The following DSCAM variants were observed in gnomAD, a reference collection of about 807,000 sequenced individuals.
DSCAM encodes the protein DS cell adhesion molecule.
DSCAM carries 47 observed loss-of-function variants against 217.7 expected under a neutral mutation model. The observed-to-expected ratio is 0.22, with a 90% CI of 0.17 to 0.28. The LOEUF is 0.28. Ranked by LOEUF, DSCAM falls within the 10% of genes least tolerant of loss-of-function variation. DSCAM has a pLI of 1.00. For missense variants in DSCAM, 2,080 were observed against 2,618.3 expected (o/e 0.79, Z 4.49); for synonymous variants, 1,056 against 1,015.3 (o/e 1.04, Z -0.76).
At chr21:40,259,178 C>T (rs1438125978) in intron 11 of DSCAM, among the ~76,000 whole-genome samples, 1 of 152,062 alleles carries the variant, frequency 6.6e-6, no homozygotes, top group Non-Finnish European at 1.5e-5. Context: ...AATATGCCTA[C>T]TAGGAAAAAG....
At chr21:40,135,366 C>T (rs2090196535) in intron 18 of DSCAM, among the ~76,000 whole-genome samples, 1 of 152,256 alleles carries the variant, frequency 6.6e-6, no homozygotes, top group East Asian at 1.9e-4. Context: ...CTATGCTATT[C>T]TAAGTACAGA....
At chr21:40,396,426 C>T (rs1021634240) in intron 3 of DSCAM, among the ~76,000 whole-genome samples, 2 of 152,132 alleles carry the variant, frequency 1.3e-5, no homozygotes, top group African/African-American at 2.4e-5. Context: ...TTTCCCAACA[C>T]AAGGAGGCTG....
In DSCAM at chr21:40,391,777, TC is replaced by T. The variant is rs1172865405; in HGVS notation, c.509-22533del. Among the ~76,000 whole-genome samples the T allele has an allele frequency of 2.6e-5, 4 of 152,240 alleles. No homozygotes were observed. The East Asian group carries it at 7.7e-4, about 29-fold the overall frequency. The stretch of plus-strand genomic sequence containing the variant: ...CCACATTGCTGTTATCGGAAATTTC[TC>T]GTTGCAAAAATTAGAAGATTGCTAA... On this transcript the variant is annotated intron_variant, in intron 3 of 32. Coordinates refer to ENST00000400454, the MANE Select transcript of DSCAM (RefSeq NM_001389.5).
rs537087964 is a variant in DSCAM, at chr21:40,276,349, A to C, written c.2183-79T>G. On this transcript the variant is annotated intron_variant, in intron 10 of 32. Coordinates refer to ENST00000400454, the MANE Select transcript of DSCAM (RefSeq NM_001389.5). The stretch of plus-strand genomic sequence containing the variant: ...AGACAACGAGTTCAAGTACACACAG[A>C]CTCATAAAGAGATGCTTCACACTGA... 27 of 1,335,240 alleles carry C rather than the reference A, an allele frequency of 2.0e-5. No homozygotes were observed. The South Asian group carries it at 4.1e-4, about 20-fold the overall frequency. The allele number at this position is 1,335,240 out of a possible 1,614,324, so 82.7% of individuals were successfully genotyped here.
At chr21:40,121,226 G>T (rs1374379760) in intron 20 of DSCAM, among the ~76,000 whole-genome samples, 1 of 152,002 alleles carries the variant, frequency 6.6e-6, no homozygotes, top group Non-Finnish European at 1.5e-5. Context: ...TGCAGAAACT[G>T]ATGAAAACAA....
At position 40,280,990 on chromosome 21, in the gene DSCAM, C is replaced by G. The variant is rs558537497; in HGVS notation, c.2183-4720G>C. On this transcript the variant is annotated intron_variant, in intron 10 of 32. Transcript: ENST00000400454. ...ACAGGAGTGAGCTTGGGAGAAGACCCTCCCACAGCTAAGCTTTGAAATGAC... is the reference window on the plus strand; with the variant it reads ...ACAGGAGTGAGCTTGGGAGAAGACCGTCCCACAGCTAAGCTTTGAAATGAC... Among the ~76,000 whole-genome samples, 8 of 152,288 alleles carry G rather than the reference C, an allele frequency of 5.3e-5. No homozygotes were observed. In the East Asian group the frequency reaches 1.4e-3, roughly 26 times the overall value.
At chr21:40,822,615 A>G (rs1160365026) in intron 1 of DSCAM, among the ~76,000 whole-genome samples, 1 of 152,162 alleles carries the variant, frequency 6.6e-6, no homozygotes, top group Non-Finnish European at 1.5e-5. Flanking sequence ...TCCTTCTAAG[A>G]AAGCCCATTG....
chr21:40,320,951 T>C (rs1199309103), intron 8 of DSCAM, among the ~76,000 whole-genome samples: 1 of 152,214 alleles, frequency 6.6e-6, no homozygotes, highest in Admixed American at 6.5e-5. Context: ...GATAGATAAG[T>C]ACCCTACAAG....
Position 40,843,794 on chromosome 21 carries a change from T to C in DSCAM, c.43+2825A>G, listed in dbSNP as rs981945250. On this transcript the variant is annotated intron_variant, in intron 1 of 32. Coordinates refer to ENST00000400454, the MANE Select transcript of DSCAM (RefSeq NM_001389.5). ...GGGCCTGGTCACTGACTTCTTCTTTTTTTTTTTTTTTTTTTCAAAAATACT... is the reference window on the plus strand; with the variant it reads ...GGGCCTGGTCACTGACTTCTTCTTTCTTTTTTTTTTTTTTTCAAAAATACT... Among the ~76,000 whole-genome samples, 112 of 151,170 alleles carry C rather than the reference T, an allele frequency of 7.4e-4. 1 individual carries two copies. In the East Asian group the frequency reaches 0.016, roughly 22 times the overall value.
chr21:40,778,042 G>A (rs1406198769), intron 1 of DSCAM, among the ~76,000 whole-genome samples: 1 of 152,122 alleles, frequency 6.6e-6, no homozygotes, highest in Non-Finnish European at 1.5e-5. Context: ...TGTGTGCCCA[G>A]CCAAATACTC....
At chr21:40,132,773 G>A (rs2090166942) in intron 19 of DSCAM, among the ~76,000 whole-genome samples, 1 of 152,170 alleles carries the variant, frequency 6.6e-6, no homozygotes, top group African/African-American at 2.4e-5. Flanking sequence ...AAAGGCTGAA[G>A]AGAAGAGCGT....
chr21:40,041,536 GTC>G (rs1352017572), intron 32 of DSCAM, among the ~76,000 whole-genome samples: 6 of 152,152 alleles, frequency 3.9e-5, no homozygotes, highest in African/African-American at 1.4e-4. Context: ...CCTTGCTAGA[GTC>G]TTTTCTTTTA....
At chr21:40,450,614 A>G (rs1167645312) in intron 3 of DSCAM, among the ~76,000 whole-genome samples, 1 of 152,238 alleles carries the variant, frequency 6.6e-6, no homozygotes, top group Non-Finnish European at 1.5e-5. Flanking sequence ...TAATTCAGAA[A>G]TAAAATTTGC....
At chr21:40,817,327 T>C (rs1383922058) in intron 1 of DSCAM, among the ~76,000 whole-genome samples, 3 of 152,194 alleles carry the variant, frequency 2.0e-5, no homozygotes, top group African/African-American at 7.2e-5. Flanking sequence ...TTGTTTCTTC[T>C]CTGGAACAGG....
intron 1 of DSCAM, among the ~76,000 whole-genome samples, chr21:40,721,749 A>G (rs1049942056): frequency 3.9e-5 from 6 of 152,156 alleles, no homozygotes; most frequent in Non-Finnish European, 5.9e-5. Flanking sequence ...ATACAGAAAA[A>G]AAATCGAACA....
In DSCAM at chr21:40,338,026, G is replaced by T; in HGVS notation, c.1783+75C>A. On this transcript the variant is annotated intron_variant, in intron 8 of 32. Coordinates refer to ENST00000400454, the MANE Select transcript of DSCAM (RefSeq NM_001389.5). ...TAAATAAGCAGATCTTGGATTACCC[G>T]ACTTCAAATCATTGGTCTGGGAAGT... is the stretch of plus-strand genomic sequence containing the variant. The T allele has an allele frequency of 1.9e-6, 3 of 1,555,360 alleles. No homozygotes were observed. The South Asian group carries it at 3.7e-5, about 19-fold the overall frequency.
At chr21:40,833,858 G>A (rs1190498880) in intron 1 of DSCAM, among the ~76,000 whole-genome samples, 1 of 152,114 alleles carries the variant, frequency 6.6e-6, no homozygotes, top group Non-Finnish European at 1.5e-5. Flanking sequence ...TGAAGATGTT[G>A]AACTGGATCA....
Position 40,134,117 on chromosome 21 carries a change from G to A in DSCAM, c.3407-108C>T, listed in dbSNP as rs946007735. 8.0e-6 allele frequency: 11 copies of A among 1,376,406 alleles called. No individual in the cohort carries two copies. The Admixed American group carries it at 2.3e-4, about 28-fold the overall frequency. The allele number at this position is 1,376,406 out of a possible 1,614,324, so 85.3% of individuals were successfully genotyped here. On this transcript the variant is annotated intron_variant, in intron 18 of 32. Coordinates refer to ENST00000400454, the MANE Select transcript of DSCAM (RefSeq NM_001389.5). ...CCTGTGCCATGCCATCACCCGTCCA[G>A]CCATCATCTGGACACGAGAATTCTC...
chr21:40,083,831 T>A, intron 24 of DSCAM, 77 bp downstream of exon 24: 1 of 1,177,696 alleles, frequency 8.5e-7, no homozygotes, highest in Non-Finnish European at 1.2e-6. Flanking sequence ...TACCAGTCAT[T>A]TGCTGAAGAT....
Sources: gnomAD v4.1 joint callset for allele counts (sites outside exome capture counted in the v4.1 genomes callset) on GRCh38, gnomAD v4.1.1 for gene constraint, MANE v1.5 for transcripts, NCBI Gene and HGNC (gene_info 2026-07-23, HGNC 2026-07-21) for gene names.